The following ALG6 variants were observed in gnomAD, a reference collection of about 807,000 sequenced individuals.
The protein encoded by ALG6 is ALG6 alpha-1,3-glucosyltransferase, also known as dolichyl pyrophosphate Man9GlcNAc2 alpha-1,3-glucosyltransferase.
Under a neutral mutation model 66.6 loss-of-function variants are expected in ALG6, and 46 were observed. The ratio of observed to expected loss-of-function variants is 0.69; its 90% CI spans 0.55 to 0.88. The LOEUF is 0.88. Ranked by LOEUF, ALG6 falls within the 40% of genes least tolerant of loss-of-function variation. The pLI is 0.00. For missense variants in ALG6, 505 were observed against 586.8 expected (o/e 0.86, Z 1.44); for synonymous variants, 185 against 203.7 (o/e 0.91, Z 0.78).
intron 14 of ALG6, among the ~76,000 whole-genome samples, chr1:63,436,489 A>G (rs577877544): frequency 6.6e-6 from 1 of 152,228 alleles, no homozygotes; most frequent in African/African-American, 2.4e-5. Flanking sequence ...GACTAGCATT[A>G]ATATTTGTCC....
chr1:63,419,097 G>A (rs192480494), intron 11 of ALG6, among the ~76,000 whole-genome samples: 361 of 152,230 alleles, frequency 2.4e-3, no homozygotes, highest in Non-Finnish European at 3.7e-3. Flanking sequence ...TGTTGTGTCT[G>A]AGGTATTTAC....
At chr1:63,385,021 T>G (rs1438964072) in intron 2 of ALG6, among the ~76,000 whole-genome samples, 1 of 152,068 alleles carries the variant, frequency 6.6e-6, no homozygotes, top group Non-Finnish European at 1.5e-5. Flanking sequence ...GGAATATCAT[T>G]GGTAGTTTGA....
chr1:63,390,404 C>T (rs563711392), intron 2 of ALG6, among the ~76,000 whole-genome samples: 1 of 152,126 alleles, frequency 6.6e-6, no homozygotes, highest in African/African-American at 2.4e-5. Context: ...ACAAAGTCCT[C>T]TTTTACTCTC....
chr1:63,417,206 C>G (rs1253748747), intron 11 of ALG6, among the ~76,000 whole-genome samples: 3 of 152,128 alleles, frequency 2.0e-5, no homozygotes, highest in African/African-American at 7.2e-5. Flanking sequence ...TAGGCTTAAC[C>G]TGAAATATCT....
chr1:63,373,658 A>ATT (rs34012518), intron 2 of ALG6, among the ~76,000 whole-genome samples: 2,842 of 131,062 alleles, frequency 0.022, 118 homozygotes, highest in African/African-American at 0.072. Context: ...TTTAATTTAC[A>ATT]TTTTTTTTTT....
chr1:63,386,738 T>C (rs1648513985), intron 2 of ALG6, among the ~76,000 whole-genome samples: 1 of 152,174 alleles, frequency 6.6e-6, no homozygotes, highest in Admixed American at 6.5e-5. Flanking sequence ...GTCTCAATTT[T>C]GTTTATCTTT....
chr1:63,367,685 G>C lies in ALG6; in HGVS notation c.-210G>C, dbSNP rs990217578. ...CGAATCCCAGCGGCCGGCGGGCGGC[G>C]GGGTAAGAGCATGGGATCCCGGAGG... On this transcript the variant is annotated splice_region_variant and 5_prime_UTR_variant, in exon 1 of 15. Transcript: ENST00000263440. 5.3e-5 allele frequency: 8 copies of C among 152,376 alleles called. No homozygotes were observed. Among genetic ancestry groups the C allele is most frequent in the Admixed American group, 4.6e-4 (7 of 15,310 alleles). The allele number at this position is 152,376 out of a possible 1,614,324, so 9.4% of individuals were successfully genotyped here.
chr1:63,417,246 T>A (rs2100426236), intron 11 of ALG6, among the ~76,000 whole-genome samples: 1 of 152,328 alleles, frequency 6.6e-6, no homozygotes, highest in Admixed American at 6.5e-5. Flanking sequence ...GTTGTTTTTC[T>A]AGGAAGTAGA....
chr1:63,377,541 A>C (rs897417253), intron 2 of ALG6, among the ~76,000 whole-genome samples: 31 of 152,280 alleles, frequency 2.0e-4, no homozygotes, highest in Admixed American at 1.9e-3. Flanking sequence ...TATTTAACTT[A>C]ACAAAGCCTA....
At chr1:63,370,187 A>G (rs1647868201) in intron 1 of ALG6, among the ~76,000 whole-genome samples, 1 of 152,026 alleles carries the variant, frequency 6.6e-6, no homozygotes, top group Non-Finnish European at 1.5e-5. Flanking sequence ...GTAAGTGGTT[A>G]ATTGAGTTTT....
chr1:63,396,528 C>T lies in ALG6; in HGVS notation c.98C>T (p.Pro33Leu). 1.2e-6 allele frequency: 2 copies of T among 1,613,942 alleles called. No homozygotes were observed. The highest frequency in any genetic ancestry group is 1.7e-6 in the Non-Finnish European group (2 of 1,179,968). ...LNSYSGAGKPPMFGDYEAQRH... is the reference protein window; with the variant it reads ...LNSYSGAGKPLMFGDYEAQRH... ...TTGATCTTAGGTGCTGGTAAACCGC[C>T]TATGTTTGGTGATTATGAAGCTCAG... Residue 33 changes from proline (P) to leucine (L), a missense_variant, in exon 3 of 15, where the codon CCT becomes CTT. By Grantham distance (98) the Pro-to-Leu change is moderately conservative. Transcript: ENST00000263440.
Position 63,385,184 on chromosome 1 carries a change from C to CTTTTTTTTTTTTTTTTTT in ALG6, c.83-11313_83-11296dup, listed in dbSNP as rs1165046824. Among the ~76,000 whole-genome samples the CTTTTTTTTTTTTTTTTTT allele has an allele frequency of 3.4e-5, 2 of 58,954 alleles. 1 individual carries two copies. The highest frequency in any genetic ancestry group is 6.5e-5 in the Non-Finnish European group (2 of 30,880). 38.7% of individuals were successfully genotyped at this position (58,954 alleles called of 152,430 possible). ...TTTTTATTAAGATCTTTTACTTCTTCTTTTTTTTTTTTTTTTTTTTTTTTT... is the reference window on the plus strand; with the variant it reads ...TTTTTATTAAGATCTTTTACTTCTTCTTTTTTTTTTTTTTTTTTTTTTTTTTTTTTTTTTTTTTTTTTT... On this transcript the variant is annotated intron_variant, in intron 2 of 14. Coordinates refer to ENST00000263440, the MANE Select transcript of ALG6 (RefSeq NM_013339.4).
chr1:63,369,353 G>A (rs906665084), intron 1 of ALG6, among the ~76,000 whole-genome samples: 1 of 152,160 alleles, frequency 6.6e-6, no homozygotes, highest in African/African-American at 2.4e-5. Context: ...TTAGGGCCGG[G>A]TGCAGTGGCT....
At chr1:63,434,989 T>C (rs1451016850) in intron 14 of ALG6, among the ~76,000 whole-genome samples, 1 of 152,154 alleles carries the variant, frequency 6.6e-6, no homozygotes, top group Non-Finnish European at 1.5e-5. Context: ...AGGAGAGTGA[T>C]TTCAAATGCT....
intron 4 of ALG6, among the ~76,000 whole-genome samples, chr1:63,403,591 T>A (rs1644475891): frequency 6.6e-6 from 1 of 152,148 alleles, no homozygotes; most frequent in South Asian, 2.1e-4. Flanking sequence ...CACTTCACGA[T>A]GGGGATACAT....
intron 5 of ALG6, among the ~76,000 whole-genome samples, chr1:63,405,355 A>G (rs903185019): frequency 1.3e-5 from 2 of 152,140 alleles, no homozygotes; most frequent in African/African-American, 2.4e-5. Flanking sequence ...GAGACAGTCT[A>G]TTCTGTTTTC....
At chr1:63,423,226 G>C (rs1265400448) in intron 12 of ALG6, among the ~76,000 whole-genome samples, 2 of 152,084 alleles carry the variant, frequency 1.3e-5, no homozygotes, top group Admixed American at 6.6e-5. Flanking sequence ...GTTTCACCAT[G>C]TTGGCCAGGC....
At chr1:63,405,024 ATGTGTG>A (rs1329800168) in intron 5 of ALG6, among the ~76,000 whole-genome samples, 1 of 152,104 alleles carries the variant, frequency 6.6e-6, no homozygotes, top group Non-Finnish European at 1.5e-5. Flanking sequence ...TTTATTGAGC[ATGTGTG>A]TGTGCTGTTG....
chr1:63,432,612 GA>G (rs1209257268), intron 14 of ALG6, among the ~76,000 whole-genome samples: 6 of 152,174 alleles, frequency 3.9e-5, no homozygotes, highest in Non-Finnish European at 7.4e-5. Context: ...GCCTCACAAA[GA>G]ATAGGTGCTC....
Sources: gnomAD v4.1 joint callset for allele counts (sites outside exome capture counted in the v4.1 genomes callset) on GRCh38, gnomAD v4.1.1 for gene constraint, MANE v1.5 for transcripts, NCBI Gene and HGNC (gene_info 2026-07-23, HGNC 2026-07-21) for gene names.